The following KMT2C variants were observed in gnomAD, a reference collection of about 807,000 sequenced individuals.
The protein encoded by KMT2C is lysine methyltransferase 2C, also known as histone-lysine N-methyltransferase 2C.
A neutral mutation model predicts 507.9 loss-of-function variants in KMT2C; 88 were observed. The ratio of observed to expected loss-of-function variants is 0.17; its 90% CI spans 0.15 to 0.21. KMT2C has a LOEUF of 0.21. Ranked by LOEUF, KMT2C falls within the 10% of genes least tolerant of loss-of-function variation. The pLI, the probability that KMT2C is intolerant of heterozygous loss-of-function variation, is 1.00. For synonymous variants in KMT2C, 2,049 were observed against 2,080.8 expected (o/e 0.98, Z 0.42); for missense variants, 4,954 against 5,957.8 (o/e 0.83, Z 5.55).
intron 3 of KMT2C, among the ~76,000 whole-genome samples, chr7:152,325,291 G>C (rs745923007): frequency 4.6e-5 from 7 of 151,478 alleles, no homozygotes; most frequent in Non-Finnish European, 1.0e-4. Flanking sequence ...TGGGACTACA[G>C]GTGCCCACCA....
chr7:152,307,264 A>C (rs1563803521), intron 6 of KMT2C, among the ~76,000 whole-genome samples: 2 of 119,538 alleles, frequency 1.7e-5, no homozygotes, highest in Non-Finnish European at 3.4e-5. Context: ...GTAGGAAGGA[A>C]GGAAGGAAGA....
chr7:152,152,396 G>A (rs1467638287), intron 49 of KMT2C, among the ~76,000 whole-genome samples: 1 of 152,214 alleles, frequency 6.6e-6, no homozygotes, highest in Non-Finnish European at 1.5e-5. Context: ...CAGCGGGATG[G>A]GGGTTGGGAG....
intron 1 of KMT2C, among the ~76,000 whole-genome samples, chr7:152,384,166 T>C (rs2097399998): frequency 6.6e-6 from 1 of 152,132 alleles, no homozygotes; most frequent in African/African-American, 2.4e-5. Context: ...GTCACTCTCC[T>C]CAGTGCTGCC....
At chr7:152,254,376 T>A (rs2095611087) in intron 9 of KMT2C, among the ~76,000 whole-genome samples, 1 of 152,230 alleles carries the variant, frequency 6.6e-6, no homozygotes, top group East Asian at 1.9e-4. Flanking sequence ...AAGAAAATAA[T>A]AACTATGCCC....
At chr7:152,297,301 T>G (rs2096525791) in intron 6 of KMT2C, among the ~76,000 whole-genome samples, 1 of 151,860 alleles carries the variant, frequency 6.6e-6, no homozygotes, top group Non-Finnish European at 1.5e-5. Flanking sequence ...AAAGAGAAAG[T>G]TAAGAGCCAG....
At chr7:152,411,119 A>T (rs75076048) in intron 1 of KMT2C, among the ~76,000 whole-genome samples, 3 of 151,292 alleles carry the variant, frequency 2.0e-5, no homozygotes, top group Admixed American at 6.6e-5. Flanking sequence ...GGTTAAATAC[A>T]TAATAAATAC....
intron 24 of KMT2C, among the ~76,000 whole-genome samples, chr7:152,206,290 GA>G (rs961525670): frequency 4.9e-5 from 7 of 142,444 alleles, no homozygotes; most frequent in African/African-American, 7.7e-5. Flanking sequence ...CAGAGGAAAA[GA>G]AAAAAAAAAC....
intron 48 of KMT2C, 142 bp downstream of exon 48, chr7:152,153,868 G>C (rs933894586): frequency 1.3e-6 from 1 of 774,494 alleles, no homozygotes; most frequent in Non-Finnish European, 2.1e-6. Flanking sequence ...GCAGCTGAGA[G>C]GTCTGCAGTG....
At chr7:152,288,717 A>G (rs1391163179) in intron 6 of KMT2C, among the ~76,000 whole-genome samples, 1 of 152,162 alleles carries the variant, frequency 6.6e-6, no homozygotes, top group Non-Finnish European at 1.5e-5. Context: ...ATACACACAA[A>G]TAAATCAATG....
intron 23 of KMT2C, among the ~76,000 whole-genome samples, chr7:152,210,152 C>A (rs2094420679): frequency 2.6e-5 from 4 of 152,142 alleles, no homozygotes. Flanking sequence ...TCTCAGAAAG[C>A]TAGCAGCCAG....
At chr7:152,214,167 TAA>T (rs200335502) in intron 23 of KMT2C, among the ~76,000 whole-genome samples, 1 of 143,110 alleles carries the variant, frequency 7.0e-6, no homozygotes. Flanking sequence ...AGAGTTTCCT[TAA>T]AAAAAAAAAA....
At chr7:152,288,779 G>A (rs1369675018) in intron 6 of KMT2C, among the ~76,000 whole-genome samples, 2 of 151,998 alleles carry the variant, frequency 1.3e-5, no homozygotes, top group South Asian at 2.1e-4. Flanking sequence ...AAAAAACCCT[G>A]AGATAAATAA....
At chr7:152,372,855 A>G (rs1200727852) in intron 1 of KMT2C, among the ~76,000 whole-genome samples, 1 of 152,180 alleles carries the variant, frequency 6.6e-6, no homozygotes, top group Non-Finnish European at 1.5e-5. Context: ...TACAGACTAA[A>G]TGGACCTAAC....
intron 1 of KMT2C, among the ~76,000 whole-genome samples, chr7:152,411,775 A>C (rs5000847): frequency 6.3e-4 from 92 of 146,228 alleles, no homozygotes; most frequent in East Asian, 1.5e-3. Context: ...TATTTAAAGA[A>C]ATCTAGGATT....
At chr7:152,269,206 T>C (rs1414529654) in intron 7 of KMT2C, among the ~76,000 whole-genome samples, 1 of 152,218 alleles carries the variant, frequency 6.6e-6, no homozygotes, top group Non-Finnish European at 1.5e-5. Context: ...CACCAATTCC[T>C]TACTGATAAC....
rs752097841 is a variant in KMT2C, at chr7:152,183,000, G to A, written c.5239C>T (p.His1747Tyr). ...TGTCTAAATTTCCATTCCTGTTCAT[G>A]TTCTGATTCTCTTTGCTTTAAAGGA... ...KDPLKQRESE[H>Y]EQEWKFRQQM... The change falls in exon 35 of 59, where the codon CAT becomes TAT. Residue 1747 changes from histidine (H) to tyrosine (Y), a missense_variant. By Grantham distance (83) the His-to-Tyr change is moderately conservative. Around this residue, in one of 29 missense-constraint regions of KMT2C, gnomAD observed 58 missense variants for 63.3 expected, o/e 0.92. Transcript: ENST00000262189. 4 of 1,601,748 alleles carry A rather than the reference G, an allele frequency of 2.5e-6. No individual in the cohort carries two copies. The highest frequency in any genetic ancestry group is 1.7e-6 in the Non-Finnish European group (2 of 1,176,658).
chr7:152,327,537 T>C (rs562113389), intron 3 of KMT2C, among the ~76,000 whole-genome samples: 1 of 152,342 alleles, frequency 6.6e-6, no homozygotes, highest in African/African-American at 2.4e-5. Flanking sequence ...CAATACCACA[T>C]ATGCATTACA....
chr7:152,222,544 C>G, intron 21 of KMT2C, 29 bp downstream of exon 21: 1 of 1,173,726 alleles, frequency 8.5e-7, no homozygotes, highest in Non-Finnish European at 1.3e-6. Context: ...TACAAGAGTG[C>G]AGACTCACAG....
At chr7:152,269,838 T>TC (rs2095928279) in intron 7 of KMT2C, among the ~76,000 whole-genome samples, 1 of 152,036 alleles carries the variant, frequency 6.6e-6, no homozygotes, top group Admixed American at 6.6e-5. Context: ...AACAAAATGA[T>TC]CATCTTTAGA....
Sources: gnomAD v4.1 joint callset for allele counts (sites outside exome capture counted in the v4.1 genomes callset) on GRCh38, gnomAD v4.1.1 for gene constraint, gnomAD v4.1.1 regional missense constraint, MANE v1.5 for transcripts, NCBI Gene and HGNC (gene_info 2026-07-23, HGNC 2026-07-21) for gene names.